The following MGAT4A variants were observed in gnomAD, a reference collection of about 807,000 sequenced individuals.
MGAT4A encodes alpha-1,3-mannosyl-glycoprotein 4-beta-N-acetylglucosaminyltransferase A, also known as N-acetylglucosaminyltransferase IVa.
MGAT4A carries 33 observed loss-of-function variants against 74.1 expected under a neutral mutation model. The ratio of observed to expected loss-of-function variants is 0.45; its 90% CI spans 0.34 to 0.60. MGAT4A has a LOEUF of 0.60. MGAT4A is among the 20% of genes least tolerant of loss of function. MGAT4A has a pLI of 0.02. For missense variants in MGAT4A, 479 were observed against 628.3 expected (o/e 0.76, Z 2.54); for synonymous variants, 198 against 210.4 (o/e 0.94, Z 0.51).
At chr2:98,669,326 G>A (rs562128276) in intron 4 of MGAT4A, among the ~76,000 whole-genome samples, 1 of 152,254 alleles carries the variant, frequency 6.6e-6, no homozygotes, top group South Asian at 2.1e-4. Flanking sequence ...GGTTTTAAAA[G>A]GAGGAGTTCC....
intron 2 of MGAT4A, among the ~76,000 whole-genome samples, chr2:98,686,539 G>T (rs1411957001): frequency 6.6e-6 from 1 of 150,926 alleles, no homozygotes; most frequent in African/African-American, 2.4e-5. Flanking sequence ...GTTTTTTTTT[G>T]GTTTTTTGGT....
chr2:98,676,863 T>C (rs1239567747), intron 3 of MGAT4A, among the ~76,000 whole-genome samples: 1 of 152,140 alleles, frequency 6.6e-6, no homozygotes, highest in African/African-American at 2.4e-5. Flanking sequence ...TTAGTAGAAA[T>C]CACTTGGCAT....
At chr2:98,687,637 A>G (rs1224327212) in intron 2 of MGAT4A, among the ~76,000 whole-genome samples, 1 of 151,320 alleles carries the variant, frequency 6.6e-6, no homozygotes, top group African/African-American at 2.4e-5. Flanking sequence ...TACTGCTCTC[A>G]CCTCTTTCTT....
intron 2 of MGAT4A, among the ~76,000 whole-genome samples, chr2:98,703,894 G>A (rs905676696): frequency 6.6e-6 from 1 of 152,160 alleles, no homozygotes; most frequent in South Asian, 2.1e-4. Context: ...CCTCCTCAGA[G>A]AGGCATTCTG....
intron 2 of MGAT4A, among the ~76,000 whole-genome samples, chr2:98,707,881 T>C (rs1702461808): frequency 6.6e-6 from 1 of 152,174 alleles, no homozygotes; most frequent in Non-Finnish European, 1.5e-5. Flanking sequence ...TATGACTTAA[T>C]CCAAACAGTG....
chr2:98,672,567 C>T (rs979289404), intron 4 of MGAT4A, among the ~76,000 whole-genome samples: 2 of 152,222 alleles, frequency 1.3e-5, no homozygotes, highest in Non-Finnish European at 2.9e-5. Context: ...GTTTCTTCAA[C>T]TCAAAGAAAT....
chr2:98,662,944 T>C (rs939351386), intron 5 of MGAT4A, 102 bp downstream of exon 5: 6 of 958,504 alleles, frequency 6.3e-6, no homozygotes, highest in Non-Finnish European at 8.8e-6. Flanking sequence ...ACTCATCACA[T>C]TTTTTAAAAA....
chr2:98,705,090 G>A (rs553113917), intron 2 of MGAT4A, among the ~76,000 whole-genome samples: 17 of 152,144 alleles, frequency 1.1e-4, no homozygotes, highest in Non-Finnish European at 2.2e-4. Context: ...AAGCTCCCCT[G>A]AGAAGAGGGT....
intron 2 of MGAT4A, among the ~76,000 whole-genome samples, chr2:98,695,991 C>T (rs891139824): frequency 6.6e-6 from 1 of 151,686 alleles, no homozygotes; most frequent in East Asian, 1.9e-4. Flanking sequence ...AGATTCTCCT[C>T]CCACCTCAGC....
chr2:98,639,787 T>C (rs1701378183), intron 12 of MGAT4A, 21 bp downstream of exon 12: 2 of 1,574,966 alleles, frequency 1.3e-6, no homozygotes, highest in Non-Finnish European at 1.7e-6. Flanking sequence ...TAAGATCACA[T>C]ACATTTCAAT....
At chr2:98,712,884 A>G (rs967737985) in intron 2 of MGAT4A, among the ~76,000 whole-genome samples, 7 of 152,252 alleles carry the variant, frequency 4.6e-5, no homozygotes, top group Non-Finnish European at 1.0e-4. Context: ...CTTTTGGGCC[A>G]GGCACAGTGG....
intron 6 of MGAT4A, among the ~76,000 whole-genome samples, chr2:98,656,848 T>C (rs998342394): frequency 6.6e-6 from 1 of 152,088 alleles, no homozygotes; most frequent in Non-Finnish European, 1.5e-5. Flanking sequence ...TGTCTTTAAA[T>C]ACGTATATTT....
intron 10 of MGAT4A, 96 bp from the exon 11 acceptor site, chr2:98,640,324 G>T: frequency 9.6e-7 from 1 of 1,041,730 alleles, no homozygotes; most frequent in Non-Finnish European, 1.4e-6. Context: ...ATATTGAAAA[G>T]AAGGGCTGGG....
chr2:98,709,110 C>T (rs1361975962), intron 2 of MGAT4A, among the ~76,000 whole-genome samples: 1 of 152,116 alleles, frequency 6.6e-6, no homozygotes, highest in Admixed American at 6.5e-5. Flanking sequence ...TTGCTAATTG[C>T]CTGAGTGTCT....
intron 2 of MGAT4A, among the ~76,000 whole-genome samples, chr2:98,716,963 T>A (rs1170255374): frequency 6.6e-6 from 1 of 152,174 alleles, no homozygotes; most frequent in Admixed American, 6.5e-5. Flanking sequence ...CCTAACCACA[T>A]TTTCCATCTG....
At chr2:98,718,391 T>A (rs985256309) in intron 2 of MGAT4A, among the ~76,000 whole-genome samples, 20 of 152,196 alleles carry the variant, frequency 1.3e-4, no homozygotes, top group Admixed American at 9.2e-4. Context: ...TAGTGAAAAT[T>A]ATTGTTTTAA....
rs1701115984 is a variant in MGAT4A at position 98,624,560 on chromosome 2, T to G, written c.*1006A>C. ...TCTTTAAAATTATACCAATTATGAC[T>G]CATACAATAGCAACACCTAGAAAAC... On this transcript the variant is annotated 3_prime_UTR_variant, in exon 16 of 16. Transcript: ENST00000393487. 1 of 982,418 alleles carries G rather than the reference T, an allele frequency of 1.0e-6. No individual in the cohort carries two copies. Among genetic ancestry groups the G allele is most frequent in the East Asian group, 1.1e-4 (1 of 8,800 alleles). The allele number at this position is 982,418 out of a possible 1,614,324, so 60.9% of individuals were successfully genotyped here.
At chr2:98,642,334 T>A (rs1701422884) in intron 10 of MGAT4A, among the ~76,000 whole-genome samples, 1 of 152,134 alleles carries the variant, frequency 6.6e-6, no homozygotes, top group African/African-American at 2.4e-5. Flanking sequence ...CTGATAACCC[T>A]TTGGGACAAT....
At position 98,621,739 on chromosome 2, in the gene MGAT4A, C is replaced by G. The variant is rs2104202524; in HGVS notation, c.*3827G>C. The stretch of plus-strand genomic sequence containing the variant: ...TCCAAACGTGCTGTTTCCACATAAC[C>G]AGTCTTTTCTTTGAGGGACAGCACT... On this transcript the variant is annotated 3_prime_UTR_variant, in exon 16 of 16. Transcript: ENST00000393487. 8.1e-7 allele frequency: 1 copy of G among 1,227,850 alleles called. No homozygotes were observed. The highest frequency in any genetic ancestry group is 2.9e-5 in the South Asian group (1 of 34,442). 76.1% of individuals were successfully genotyped at this position (1,227,850 alleles called of 1,614,324 possible).
Sources: gnomAD v4.1 joint callset for allele counts (sites outside exome capture counted in the v4.1 genomes callset) on GRCh38, gnomAD v4.1.1 for gene constraint, MANE v1.5 for transcripts, NCBI Gene and HGNC (gene_info 2026-07-23, HGNC 2026-07-21) for gene names.